The following SLIT2 variants were observed in gnomAD, a reference collection of about 807,000 sequenced individuals.
SLIT2 encodes the protein slit homolog 2 protein.
SLIT2 carries 41 observed loss-of-function variants against 185.7 expected under a neutral mutation model. That is an observed-to-expected ratio of 0.22 (90% CI 0.17 to 0.29). The LOEUF is 0.29. Ranked by LOEUF, SLIT2 falls within the 10% of genes least tolerant of loss-of-function variation. The probability of loss-of-function intolerance (pLI) is 1.00; values close to 1 mark genes in which losing one functional copy is unlikely to be tolerated. For missense variants in SLIT2, 1,571 were observed against 1,909.0 expected (o/e 0.82, Z 3.30); for synonymous variants, 693 against 680.2 (o/e 1.02, Z -0.29).
intron 4 of SLIT2, among the ~76,000 whole-genome samples, chr4:20,317,870 T>G (rs1718734593): frequency 6.6e-6 from 1 of 152,114 alleles, no homozygotes; most frequent in Admixed American, 6.6e-5. Context: ...AATCTACGTC[T>G]TCTTGTTGTG....
intron 4 of SLIT2, among the ~76,000 whole-genome samples, chr4:20,432,612 C>T (rs1296403917): frequency 6.6e-6 from 1 of 151,642 alleles, no homozygotes; most frequent in East Asian, 1.9e-4. Context: ...TGTTCCTGGA[C>T]CCTGAGTATC....
Position 20,518,275 on chromosome 4 carries a change from C to T in SLIT2, c.1059-1107C>T, listed in dbSNP as rs1283284958. 8.6e-5 allele frequency among the ~76,000 whole-genome samples: 10 copies of T among 116,206 alleles called. No individual in the cohort carries two copies. In the South Asian group the frequency reaches 2.3e-3, roughly 26 times the overall value. 76.2% of individuals were successfully genotyped at this position (116,206 alleles called of 152,430 possible). On this transcript the variant is annotated intron_variant, in intron 11 of 36. Transcript: ENST00000504154. ...TATATATTTTTTTTTTTTTTTGAGA[C>T]AGAGTCTCGCTCTGTCGCCCAAGCT...
chr4:20,619,077 G>T lies in SLIT2; in HGVS notation c.*68G>T. ...TCTTGACCGTGTGGGACTAATGAATGCTTCATAGTGGAAATATTTGAAATA... is the reference window on the plus strand; with the variant it reads ...TCTTGACCGTGTGGGACTAATGAATTCTTCATAGTGGAAATATTTGAAATA... On this transcript the variant is annotated 3_prime_UTR_variant, in exon 37 of 37. Coordinates refer to ENST00000504154, the MANE Select transcript of SLIT2 (RefSeq NM_004787.4). 1 of 1,422,048 alleles carries T rather than the reference G, an allele frequency of 7.0e-7. No homozygotes were observed. The highest frequency in any genetic ancestry group is 1.4e-5 in the South Asian group (1 of 73,808). The allele number at this position is 1,422,048 out of a possible 1,614,324, so 88.1% of individuals were successfully genotyped here. A position where few individuals can be genotyped will look rare whatever the true frequency, so the allele number is the denominator to read the frequency against.
At chr4:20,310,644 A>G (rs980020286) in intron 4 of SLIT2, among the ~76,000 whole-genome samples, 1 of 152,164 alleles carries the variant, frequency 6.6e-6, no homozygotes, top group Admixed American at 6.5e-5. Context: ...CCTTTCAGTG[A>G]CTTTGCCCCA....
intron 4 of SLIT2, among the ~76,000 whole-genome samples, chr4:20,289,792 A>T (rs924546827): frequency 3.3e-5 from 5 of 152,124 alleles, no homozygotes; most frequent in Non-Finnish European, 5.9e-5. Flanking sequence ...AGAGGGGAGG[A>T]GGGAGGAGCC....
chr4:20,549,146 A>T lies in SLIT2; in HGVS notation c.2489+18A>T. ...CGATTACTGTAAGCATCTTGTGTTC[A>T]ACAGAATATCTCTTTTCTCAGAGAT... is the stretch of plus-strand genomic sequence containing the variant. On this transcript the variant is annotated intron_variant, in intron 24 of 36. Coordinates refer to ENST00000504154, the MANE Select transcript of SLIT2 (RefSeq NM_004787.4). 1 of 1,466,200 alleles carries T rather than the reference A, an allele frequency of 6.8e-7. No homozygotes were observed. Among genetic ancestry groups the T allele is most frequent in the South Asian group, 1.1e-5 (1 of 87,266 alleles). 90.8% of individuals were successfully genotyped at this position (1,466,200 alleles called of 1,614,324 possible). A position where few individuals can be genotyped will look rare whatever the true frequency, so the allele number is the denominator to read the frequency against.
chr4:20,357,166 A>G (rs1722395514), intron 4 of SLIT2, among the ~76,000 whole-genome samples: 1 of 152,164 alleles, frequency 6.6e-6, no homozygotes, highest in Non-Finnish European at 1.5e-5. Context: ...CATCAAGGTT[A>G]CATCATGTTT....
intron 4 of SLIT2, among the ~76,000 whole-genome samples, chr4:20,301,402 C>T (rs920821000): frequency 1.3e-5 from 2 of 152,188 alleles, no homozygotes; most frequent in African/African-American, 4.8e-5. Flanking sequence ...TGTTTGCTAA[C>T]GTTAGATTCT....
At chr4:20,458,427 A>G (rs988169161) in intron 4 of SLIT2, among the ~76,000 whole-genome samples, 1 of 152,208 alleles carries the variant, frequency 6.6e-6, no homozygotes, top group Non-Finnish European at 1.5e-5. Context: ...GTGGGTTACC[A>G]ACATGGGGTT....
At chr4:20,365,982 G>GA (rs1723085237) in intron 4 of SLIT2, among the ~76,000 whole-genome samples, 1 of 152,126 alleles carries the variant, frequency 6.6e-6, no homozygotes. Context: ...ATCTTTCAGT[G>GA]ACAAGCGTCA....
chr4:20,504,742 T>G (rs559643511), intron 9 of SLIT2, among the ~76,000 whole-genome samples: 1 of 152,194 alleles, frequency 6.6e-6, no homozygotes, highest in East Asian at 1.9e-4. Flanking sequence ...TGTGTGGGGG[T>G]GTGTGGGTGA....
chr4:20,471,146 T>C (rs1036742149), intron 5 of SLIT2, among the ~76,000 whole-genome samples: 2 of 152,222 alleles, frequency 1.3e-5, no homozygotes, highest in Non-Finnish European at 2.9e-5. Flanking sequence ...TATAGGTTTA[T>C]TTTATGAATT....
At chr4:20,362,426 A>G (rs1471924814) in intron 4 of SLIT2, among the ~76,000 whole-genome samples, 1 of 152,048 alleles carries the variant, frequency 6.6e-6, no homozygotes, top group Admixed American at 6.6e-5. Flanking sequence ...CTGTGGGGGA[A>G]AGCAAAGGGA....
chr4:20,595,312 T>G (rs575508078), intron 30 of SLIT2, among the ~76,000 whole-genome samples: 1 of 152,304 alleles, frequency 6.6e-6, no homozygotes, highest in South Asian at 2.1e-4. Context: ...CATAGCACTT[T>G]TATAATCTCA....
intron 4 of SLIT2, among the ~76,000 whole-genome samples, chr4:20,445,444 T>C (rs1038116039): frequency 2.6e-5 from 4 of 152,220 alleles, no homozygotes; most frequent in African/African-American, 9.7e-5. Flanking sequence ...AAAGGATATA[T>C]AGAGGGTCAG....
intron 4 of SLIT2, among the ~76,000 whole-genome samples, chr4:20,429,323 T>G (rs934886971): frequency 6.6e-6 from 1 of 152,318 alleles, no homozygotes; most frequent in African/African-American, 2.4e-5. Flanking sequence ...AATGTTAAAA[T>G]GTGGATTATA....
intron 4 of SLIT2, chr4:20,394,403 T>C (rs1017248646): frequency 6.6e-6 from 1 of 151,926 alleles, no homozygotes; most frequent in Non-Finnish European, 1.5e-5. Context: ...TTGTTTAGAG[T>C]CTTTGTTAGG....
intron 6 of SLIT2, 51 bp downstream of exon 6, chr4:20,480,838 C>T: frequency 7.5e-7 from 1 of 1,338,816 alleles, no homozygotes; most frequent in Non-Finnish European, 1.1e-6. Flanking sequence ...TGTGTCTGGA[C>T]AGGACTAATG....
At chr4:20,584,204 G>A (rs1207370004) in intron 29 of SLIT2, among the ~76,000 whole-genome samples, 1 of 152,108 alleles carries the variant, frequency 6.6e-6, no homozygotes, top group African/African-American at 2.4e-5. Flanking sequence ...AAGAACTGAG[G>A]CTGAGAACAA....
Sources: gnomAD v4.1 joint callset for allele counts (sites outside exome capture counted in the v4.1 genomes callset) on GRCh38, gnomAD v4.1.1 for gene constraint, MANE v1.5 for transcripts, NCBI Gene and HGNC (gene_info 2026-07-23, HGNC 2026-07-21) for gene names.